The following TOX variants were observed in gnomAD, a reference collection of about 807,000 sequenced individuals.
The protein encoded by TOX is thymocyte selection-associated high mobility group box protein TOX.
TOX carries 11 observed loss-of-function variants against 53.7 expected under a neutral mutation model. That is an observed-to-expected ratio of 0.20 (90% confidence interval 0.13 to 0.34). The LOEUF (loss-of-function observed/expected upper bound fraction) is 0.34. Ranked by LOEUF, TOX falls within the 10% of genes least tolerant of loss-of-function variation. TOX has a pLI of 1.00. For synonymous variants in TOX, 225 were observed against 245.3 expected (o/e 0.92, Z 0.77); for missense variants, 570 against 664.6 (o/e 0.86, Z 1.56).
At chr8:58,858,636 C>T (rs925620066) in intron 3 of TOX, among the ~76,000 whole-genome samples, 3 of 152,234 alleles carry the variant, frequency 2.0e-5, no homozygotes, top group African/African-American at 4.8e-5. Context: ...CTCTCAAGCC[C>T]GTCCATTTAC....
At chr8:59,075,838 T>C (rs1287913943) in intron 1 of TOX, among the ~76,000 whole-genome samples, 1 of 151,880 alleles carries the variant, frequency 6.6e-6, no homozygotes, top group Non-Finnish European at 1.5e-5. Context: ...AAACCCCGTC[T>C]CTACTAAAAA....
intron 1 of TOX, among the ~76,000 whole-genome samples, chr8:59,005,839 C>T (rs1256308371): frequency 6.6e-6 from 1 of 152,204 alleles, no homozygotes. Flanking sequence ...TTGGCTGAAG[C>T]TGAAAGAGAA....
chr8:58,852,130 T>G (rs1810834656), intron 3 of TOX, among the ~76,000 whole-genome samples: 1 of 152,080 alleles, frequency 6.6e-6, no homozygotes, highest in Non-Finnish European at 1.5e-5. Context: ...TATTTGTATA[T>G]TACAGCATGA....
At chr8:59,083,199 G>C (rs1049075249) in intron 1 of TOX, among the ~76,000 whole-genome samples, 2 of 152,198 alleles carry the variant, frequency 1.3e-5, no homozygotes, top group Non-Finnish European at 2.9e-5. Flanking sequence ...TGGAAGGAGA[G>C]AGTCCAGAAG....
chr8:58,900,828 A>G (rs1295104289), intron 3 of TOX, among the ~76,000 whole-genome samples: 2 of 152,150 alleles, frequency 1.3e-5, no homozygotes, highest in Non-Finnish European at 2.9e-5. Flanking sequence ...TAAAATAAAG[A>G]TCATGTATAG....
chr8:58,837,919 A>G (rs930244046), intron 5 of TOX, among the ~76,000 whole-genome samples, 162 bp downstream of exon 5: 11 of 152,248 alleles, frequency 7.2e-5, no homozygotes, highest in Non-Finnish European at 1.6e-4. Context: ...ATAAAGGAGC[A>G]TAACATTATG....
intron 3 of TOX, among the ~76,000 whole-genome samples, chr8:58,925,776 G>A (rs74427796): frequency 0.065 from 9,874 of 152,174 alleles, 536 homozygotes; most frequent in Admixed American, 0.16. Context: ...AAACACATCT[G>A]CATTTTTATT....
intron 6 of TOX, among the ~76,000 whole-genome samples, chr8:58,816,865 G>A (rs1441662332): frequency 6.6e-6 from 1 of 152,114 alleles, no homozygotes; most frequent in Non-Finnish European, 1.5e-5. Context: ...CATCATGCAC[G>A]ACAGCGTGAA....
chr8:59,036,103 C>T (rs565536432), intron 1 of TOX, among the ~76,000 whole-genome samples: 5 of 152,048 alleles, frequency 3.3e-5, no homozygotes, highest in Admixed American at 2.0e-4. Context: ...AGAGTATTCT[C>T]GAAGCTCAGG....
chr8:58,943,142 C>T (rs1426284919), intron 2 of TOX, among the ~76,000 whole-genome samples: 1 of 152,184 alleles, frequency 6.6e-6, no homozygotes, highest in Non-Finnish European at 1.5e-5. Context: ...CCTCCTATCC[C>T]ATAGTGACAC....
At chr8:58,836,879 C>G (rs959436362) in intron 5 of TOX, among the ~76,000 whole-genome samples, 1 of 152,186 alleles carries the variant, frequency 6.6e-6, no homozygotes, top group Non-Finnish European at 1.5e-5. Flanking sequence ...GTGCCCAGAA[C>G]AGTGCCTGGC....
chr8:58,969,620 C>T (rs16924337), intron 1 of TOX, among the ~76,000 whole-genome samples: 13,724 of 151,780 alleles, frequency 0.09, 676 homozygotes, highest in Middle Eastern at 0.14. Flanking sequence ...ATAAGATGTC[C>T]CCTTCACAAG....
chr8:59,067,109 A>G (rs1293924682), intron 1 of TOX, among the ~76,000 whole-genome samples: 1 of 152,136 alleles, frequency 6.6e-6, no homozygotes, highest in Non-Finnish European at 1.5e-5. Context: ...TCCTACTGCA[A>G]ATCCAGAAGG....
At chr8:59,046,268 T>G (rs1803680365) in intron 1 of TOX, among the ~76,000 whole-genome samples, 1 of 152,166 alleles carries the variant, frequency 6.6e-6, no homozygotes, top group Non-Finnish European at 1.5e-5. Context: ...TAAAAAAGTT[T>G]AAAACACTCA....
chr8:58,999,704 G>C (rs893076387), intron 1 of TOX, among the ~76,000 whole-genome samples: 2 of 152,198 alleles, frequency 1.3e-5, no homozygotes, highest in Non-Finnish European at 2.9e-5. Context: ...ACCACTGGAC[G>C]GAGTGGCACG....
intron 1 of TOX, among the ~76,000 whole-genome samples, chr8:59,085,979 C>CTTTTTTTTTTTTTTTTTTTTTTTTTTT: frequency 1.1e-5 from 1 of 88,834 alleles, no homozygotes; most frequent in Non-Finnish European, 2.2e-5. Context: ...CTTTTCTTTT[C>CTTTTTTTTTTTTTTTTTTTTTTTTTTT]TTTTTTTTTT....
At chr8:59,113,033 T>A (rs1805045500) in intron 1 of TOX, among the ~76,000 whole-genome samples, 1 of 152,206 alleles carries the variant, frequency 6.6e-6, no homozygotes. Flanking sequence ...TGGTAAGTGA[T>A]CTAAATTTGA....
At chr8:59,038,046 T>A (rs1803502215) in intron 1 of TOX, among the ~76,000 whole-genome samples, 1 of 152,206 alleles carries the variant, frequency 6.6e-6, no homozygotes, top group Admixed American at 6.5e-5. Flanking sequence ...GACTTCCCTG[T>A]GGAAGAATTT....
chr8:59,018,060 T>C (rs1585966985), intron 1 of TOX, among the ~76,000 whole-genome samples: 1 of 152,148 alleles, frequency 6.6e-6, no homozygotes, highest in Admixed American at 6.5e-5. Context: ...TATATTTTTA[T>C]GAGTAATCTA....
Sources: gnomAD v4.1 joint callset for allele counts (sites outside exome capture counted in the v4.1 genomes callset) on GRCh38, gnomAD v4.1.1 for gene constraint, MANE v1.5 for transcripts, NCBI Gene and HGNC (gene_info 2026-07-23, HGNC 2026-07-21) for gene names.